CHRNG: variants seen among roughly 807,000 people sequenced by gnomAD.
The protein encoded by CHRNG is cholinergic receptor nicotinic gamma subunit, also known as acetylcholine receptor subunit gamma.
A neutral mutation model predicts 65.2 loss-of-function variants in CHRNG; 72 were observed. The ratio of observed to expected loss-of-function variants is 1.10; its 90% CI spans 0.91 to 1.34. The LOEUF is 1.34. Among genes scored for constraint, CHRNG ranks in the 40% most tolerant of loss-of-function variants. The pLI, the probability that CHRNG is intolerant of heterozygous loss-of-function variation, is 0.00. For missense variants in CHRNG, 637 were observed against 680.1 expected, an observed-to-expected ratio of 0.94 and a Z score of 0.70; for synonymous variants, 284 against 290.2, an observed-to-expected ratio of 0.98 and a Z score of 0.22.
intron 11 of CHRNG, among the ~76,000 whole-genome samples, 176 bp from the exon 12 acceptor site, chr2:232,545,367 G>C (rs1035110352): frequency 2.0e-5 from 3 of 152,066 alleles, no homozygotes. Context: ...AGGGGCAGGG[G>C]GGGCACCTCA....
chr2:232,543,576 C>T lies in CHRNG; in HGVS notation c.921-9C>T. 6.3e-7 allele frequency: 1 copy of T among 1,583,628 alleles called. No homozygotes were observed. Among genetic ancestry groups the T allele is most frequent in the Non-Finnish European group, 8.7e-7 (1 of 1,152,386 alleles). Reference sequence around the variant, plus strand: ...GGGCTGCCAGCTCCTGCCCACCCCACCCTGACAGGTACCTGACCTTCCTCC... The same window carrying T: ...GGGCTGCCAGCTCCTGCCCACCCCATCCTGACAGGTACCTGACCTTCCTCC... On this transcript the variant is annotated splice_polypyrimidine_tract_variant and intron_variant, in intron 8 of 11. Coordinates refer to ENST00000651502, the MANE Select transcript of CHRNG (RefSeq NM_005199.5).
In CHRNG at chr2:232,540,833, G is replaced by A. The variant is rs1008369694; in HGVS notation, c.350+122G>A. ...AGGGTGCAAATCGGGCACCTGTGGG[G>A]CTAGGGAAGAACTGGATGGAGCAGG... is the stretch of plus-strand genomic sequence containing the variant. On this transcript the variant is annotated intron_variant, in intron 4 of 11. Transcript: ENST00000651502. This position sits in a 1 kb window ranked among gnomAD's most constrained non-coding sequence, Gnocchi z 4.2. The A allele has an allele frequency of 2.2e-6, 2 of 922,980 alleles. No individual in the cohort carries two copies. The highest frequency in any genetic ancestry group is 1.6e-5 in the African/African-American group (1 of 61,286). 57.2% of individuals were successfully genotyped at this position (922,980 alleles called of 1,614,324 possible).
Position 232,540,634 on chromosome 2 carries a change from G to A in CHRNG, c.273G>A (p.Pro91=), listed in dbSNP as rs773463196. 24 of 1,612,728 alleles carry A rather than the reference G, an allele frequency of 1.5e-5. No homozygotes were observed. The East Asian group carries it at 1.6e-4, about 10-fold the overall frequency. Residue 91 remains proline, a synonymous_variant, in exon 4 of 12, where the codon CCG becomes CCA. Transcript: ENST00000651502. This position sits in a 1 kb window ranked among gnomAD's most constrained non-coding sequence, Gnocchi z 4.2. ...GCGACTATCGCCTGCGCTGGGATCC[G>A]CGAGACTACGAAGGCCTGTGGGTGC... is the stretch of plus-strand genomic sequence containing the variant. ...QWCDYRLRWD[P]RDYEGLWVLR...
rs1691986598 is a variant in CHRNG at position 232,540,163 on chromosome 2, A to G, written c.195+32A>G. The G allele has an allele frequency of 1.9e-6, 3 of 1,614,020 alleles. No individual in the cohort carries two copies. Among genetic ancestry groups the G allele is most frequent in the South Asian group, 2.2e-5 (2 of 91,062 alleles). On this transcript the variant is annotated intron_variant, in intron 2 of 11. Coordinates refer to ENST00000651502, the MANE Select transcript of CHRNG (RefSeq NM_005199.5). The surrounding 1 kb of genome is among the most constrained non-coding windows in gnomAD (Gnocchi z 4.2). Reference sequence around the variant, plus strand: ...CGCAGGACGGAGGAGGGGTCAGCGCACCACGCCCTGGGACCTGCTGGGGAT... The same window carrying G: ...CGCAGGACGGAGGAGGGGTCAGCGCGCCACGCCCTGGGACCTGCTGGGGAT...
rs767799187 is a variant in CHRNG at position 232,539,785 on chromosome 2, T to G, written c.38T>G (p.Leu13Arg). 2 of 1,613,812 alleles carry G rather than the reference T, an allele frequency of 1.2e-6. No homozygotes were observed. The highest frequency in any genetic ancestry group is 2.7e-5 in the African/African-American group (2 of 74,912). ...CAGGGGCCGCTGCTCCTCCTGCTGC[T>G]GCTGGCTGTCTGCCTGGGTGGGACA... is the stretch of plus-strand genomic sequence containing the variant. ...GGQGPLLLLL[L>R]LAVCLGAQGR... The change falls in exon 1 of 12, where the codon CTG becomes CGG. Residue 13 changes from leucine (L) to arginine (R), a missense_variant. Transcript: ENST00000651502.
rs1465956221 is a variant in CHRNG at position 232,540,647 on chromosome 2, G to A, written c.286G>A (p.Gly96Ser). 2 of 1,613,240 alleles carry A rather than the reference G, an allele frequency of 1.2e-6. No homozygotes were observed. The highest frequency in any genetic ancestry group is 1.7e-6 in the Non-Finnish European group (2 of 1,180,004). ...RLRWDPRDYE[G>S]LWVLRVPSTM... Reference sequence around the variant, plus strand: ...GCGCTGGGATCCGCGAGACTACGAAGGCCTGTGGGTGCTGAGGGTGCCGTC... The same window carrying A: ...GCGCTGGGATCCGCGAGACTACGAAAGCCTGTGGGTGCTGAGGGTGCCGTC... Residue 96 changes from glycine to serine, a missense_variant, in exon 4 of 12, where the codon GGC (glycine) becomes AGC (serine). Physicochemically the swap from Gly to Ser is moderately conservative, Grantham distance 56 (BLOSUM62 0). Coordinates refer to ENST00000651502, the MANE Select transcript of CHRNG (RefSeq NM_005199.5). This position sits in a 1 kb window ranked among gnomAD's most constrained non-coding sequence, Gnocchi z 4.2.
chr2:232,544,423 G>A lies in CHRNG; in HGVS notation c.1092G>A (p.Pro364=), dbSNP rs144846001. The change falls in exon 10 of 12, where the codon CCG becomes CCA. Residue 364 remains proline (P), a synonymous_variant. Coordinates refer to ENST00000651502, the MANE Select transcript of CHRNG (RefSeq NM_005199.5). ...GGATGCACGTTCGCCCGCTGGCCCC[G>A]GCAGCTGTGCAGGACACCCAGTCCC... ...LLRMHVRPLA[P]AAVQDTQSRL... 4.8e-5 allele frequency: 77 copies of A among 1,613,608 alleles called. No individual in the cohort carries two copies. In the African/African-American group the frequency reaches 5.9e-4, roughly 12 times the overall value.
rs1355343487 is a variant in CHRNG, at chr2:232,541,831, C to T, written c.506+302C>T. On this transcript the variant is annotated intron_variant, in intron 5 of 11. Coordinates refer to ENST00000651502, the MANE Select transcript of CHRNG (RefSeq NM_005199.5). The surrounding 1 kb of genome is among the most constrained non-coding windows in gnomAD (Gnocchi z 4.0). ...AGAAGGCACACATGCACACAAGATGCGTGTCTGCGCACACACGAAACCACT... is the reference window on the plus strand; with the variant it reads ...AGAAGGCACACATGCACACAAGATGTGTGTCTGCGCACACACGAAACCACT... 2.8e-5 allele frequency: 14 copies of T among 491,250 alleles called. No individual in the cohort carries two copies. Among genetic ancestry groups the T allele is most frequent in the Non-Finnish European group, 4.5e-5 (12 of 267,526 alleles). The allele number at this position is 491,250 out of a possible 1,614,324, so 30.4% of individuals were successfully genotyped here. A position where few individuals can be genotyped will look rare whatever the true frequency, so the allele number is the denominator to read the frequency against.
At position 232,540,655 on chromosome 2, in the gene CHRNG, G is replaced by T. The variant is rs1435589338; in HGVS notation, c.294G>T (p.Trp98Cys). ...ATCCGCGAGACTACGAAGGCCTGTG[G>T]GTGCTGAGGGTGCCGTCCACCATGG... ...RWDPRDYEGL[W>C]VLRVPSTMVW... Residue 98 changes from tryptophan (W) to cysteine (C), a missense_variant, in exon 4 of 12, where the codon TGG becomes TGT. Physicochemically the swap from Trp to Cys is radical, Grantham distance 215. Transcript: ENST00000651502. The surrounding 1 kb of genome is among the most constrained non-coding windows in gnomAD (Gnocchi z 4.2). 1 of 1,613,198 alleles carries T rather than the reference G, an allele frequency of 6.2e-7. No homozygotes were observed. The highest frequency in any genetic ancestry group is 8.5e-7 in the Non-Finnish European group (1 of 1,179,992).
chr2:232,540,304 G>C lies in CHRNG; in HGVS notation c.196-77G>C, dbSNP rs553168987. 18 of 1,603,518 alleles carry C rather than the reference G, an allele frequency of 1.1e-5. No homozygotes were observed. In the East Asian group the frequency reaches 3.8e-4, roughly 34 times the overall value. On this transcript the variant is annotated intron_variant, in intron 2 of 11. Transcript: ENST00000651502. The surrounding 1 kb of genome is among the most constrained non-coding windows in gnomAD (Gnocchi z 4.2). Reference sequence around the variant, plus strand: ...ACTATCAAGAGGCTGGGGGATGCTTGGCCCCATTGGTGGCCTGTGGGGACT... The same window carrying C: ...ACTATCAAGAGGCTGGGGGATGCTTCGCCCCATTGGTGGCCTGTGGGGACT...
At chr2:232,542,374 T>C (rs543051076) in intron 5 of CHRNG, 49 bp from the exon 6 acceptor site, 1 of 1,269,756 alleles carries the variant, frequency 7.9e-7, no homozygotes, top group Non-Finnish European at 1.1e-6. Context: ...CATGCAGTCG[T>C]GGCAGGTCCA....
chr2:232,544,920 G>T lies in CHRNG; in HGVS notation c.1380+18G>T, dbSNP rs770089601. 1.2e-6 allele frequency: 2 copies of T among 1,613,780 alleles called. No individual in the cohort carries two copies. The highest frequency in any genetic ancestry group is 1.7e-5 in the Admixed American group (1 of 60,004). The stretch of plus-strand genomic sequence containing the variant: ...TTGACAATGTAAGCTGAGTCAGGGT[G>T]GGGTGGAGGTGGAGTGAGTACCTGG... On this transcript the variant is annotated intron_variant, in intron 11 of 11. Coordinates refer to ENST00000651502, the MANE Select transcript of CHRNG (RefSeq NM_005199.5).
chr2:232,542,730 C>T, intron 6 of CHRNG, 152 bp from the exon 7 acceptor site: 1 of 740,622 alleles, frequency 1.4e-6, no homozygotes. Flanking sequence ...CTCGAGCATC[C>T]AATCTCCCAC....
Position 232,544,873 on chromosome 2 carries a change from GC to G in CHRNG, c.1354del (p.Arg452GlyfsTer84), listed in dbSNP as rs1327944497. 1 of 1,614,022 alleles carries G rather than the reference GC, an allele frequency of 6.2e-7. No individual in the cohort carries two copies. Among genetic ancestry groups the G allele is most frequent in the East Asian group, 2.2e-5 (1 of 44,872 alleles). On this transcript the variant is annotated frameshift_variant, in exon 11 of 12. Transcript: ENST00000651502. LOFTEE classifies it high-confidence loss of function. ...CVEACNLIAC[A>X]RHQQSHFDNG... ...GGAAGCCTGCAACCTCATTGCCTGTGCCCGGCACCAGCAGAGTCACTTTGAC... is the reference window on the plus strand; with the variant it reads ...GGAAGCCTGCAACCTCATTGCCTGTGCCGGCACCAGCAGAGTCACTTTGAC...
chr2:232,543,862 T>C (rs1692070572), intron 9 of CHRNG, among the ~76,000 whole-genome samples, 163 bp downstream of exon 9: 2 of 152,318 alleles, frequency 1.3e-5, no homozygotes, highest in Admixed American at 6.5e-5. Context: ...AGGAATGAAA[T>C]TGCTTCCTAG....
rs1309728989 is a variant in CHRNG at position 232,546,680 on chromosome 2, G to C, written c.*964G>C. On this transcript the variant is annotated 3_prime_UTR_variant, in exon 12 of 12. Coordinates refer to ENST00000651502, the MANE Select transcript of CHRNG (RefSeq NM_005199.5). ...TCCTCACAGCAGTATGGATAAGCAA[G>C]AGTCATTATTCCCCATGTTATATAG... 1.3e-5 allele frequency among the ~76,000 whole-genome samples: 2 copies of C among 150,854 alleles called. No individual in the cohort carries two copies. Among genetic ancestry groups the C allele is most frequent in the East Asian group, 3.9e-4 (2 of 5,180 alleles).
chr2:232,543,115 T>C (rs549490400), intron 7 of CHRNG, 33 bp downstream of exon 7: 1 of 1,602,890 alleles, frequency 6.2e-7, no homozygotes, highest in East Asian at 2.2e-5. Context: ...AGCCATCCAG[T>C]AGCACAGGGG....
rs1235408488 is a variant in CHRNG, at chr2:232,544,568, C to G, written c.1237C>G (p.Leu413Val). 8.7e-6 allele frequency: 14 copies of G among 1,612,966 alleles called. No homozygotes were observed. Among genetic ancestry groups the G allele is most frequent in the Non-Finnish European group, 1.2e-5 (14 of 1,179,742 alleles). ...WQRQGLVAAALEKLEKGPELG... is the reference protein window; with the variant it reads ...WQRQGLVAAAVEKLEKGPELG... The stretch of plus-strand genomic sequence containing the variant: ...GCGGCAAGGGCTGGTGGCGGCAGCG[C>G]TGGAGAAGCTAGGTGAGACACACCA... Residue 413 changes from leucine (L) to valine (V), a missense_variant, in exon 10 of 12, where the codon CTG (leucine) becomes GTG (valine). Leu to Val is a conservative substitution (Grantham distance 32). Transcript: ENST00000651502.
rs2106219836 is a variant in CHRNG, at chr2:232,540,102, A to T, written c.166A>T (p.Lys56Ter). 6.2e-7 allele frequency: 1 copy of T among 1,614,176 alleles called. No individual in the cohort carries two copies. The highest frequency in any genetic ancestry group is 8.5e-7 in the Non-Finnish European group (1 of 1,180,012). ...RDSDVVNVSL[K>*]LTLTNLISLN... The stretch of plus-strand genomic sequence containing the variant: ...CTCGGATGTGGTCAATGTCAGCCTG[A>T]AGCTAACCCTCACCAACCTCATCTC... The change falls in exon 2 of 12, where the codon AAG (lysine) becomes TAG (stop). Residue 56 changes from lysine to a stop codon, truncating the protein, a stop_gained. Coordinates refer to ENST00000651502, the MANE Select transcript of CHRNG (RefSeq NM_005199.5). LOFTEE classifies it high-confidence loss of function. The surrounding 1 kb of genome is among the most constrained non-coding windows in gnomAD (Gnocchi z 4.2).
Sources: allele counts gnomAD v4.1 joint callset (sites outside exome capture counted in the v4.1 genomes callset), GRCh38; gene constraint gnomAD v4.1.1; non-coding constraint Gnocchi (gnomAD v3.1); transcripts MANE v1.5; gene names NCBI Gene and HGNC (gene_info 2026-07-23, HGNC 2026-07-21).